TTC29: variants seen among roughly 807,000 people sequenced by gnomAD.
The protein encoded by TTC29 is tetratricopeptide repeat protein 29.
In TTC29, 49 loss-of-function variants were observed where a neutral mutation model predicts 58.1. The ratio of observed to expected loss-of-function variants is 0.84; its 90% confidence interval spans 0.67 to 1.07. TTC29 has a LOEUF of 1.07. Ranked by LOEUF, TTC29 falls within the 50% of genes least tolerant of loss-of-function variation. TTC29 has a pLI of 0.00. For missense variants in TTC29, 582 were observed against 555.6 expected (o/e 1.05, Z -0.48); for synonymous variants, 209 against 196.8 (o/e 1.06, Z -0.52).
rs1436407532 is a variant in TTC29, at chr4:146,740,048, C to T, written c.1331-32497G>A. Among the ~76,000 whole-genome samples the T allele has an allele frequency of 2.6e-5, 4 of 152,108 alleles. No homozygotes were observed. In the East Asian group the frequency reaches 7.7e-4, roughly 29 times the overall value. ...AATGAGTCAGAGGAGATGGTGGAGG[C>T]ACTGGATGGAAGGACCTGGGGGGTC... On this transcript the variant is annotated intron_variant, in intron 11 of 12. Coordinates refer to ENST00000325106, the MANE Select transcript of TTC29 (RefSeq NM_031956.4).
intron 4 of TTC29, among the ~76,000 whole-genome samples, chr4:146,912,362 A>T (rs1244046708): frequency 6.6e-6 from 1 of 152,198 alleles, no homozygotes; most frequent in Non-Finnish European, 1.5e-5. Flanking sequence ...CAAATATTGC[A>T]CAGAACATAC....
intron 4 of TTC29, among the ~76,000 whole-genome samples, chr4:146,921,623 T>C (rs545237637): frequency 1.9e-4 from 29 of 151,102 alleles, no homozygotes; most frequent in Non-Finnish European, 3.1e-4. Context: ...CTGAAAAATA[T>C]AGCAGGTGGG....
chr4:146,727,640 A>C (rs1427899765), intron 11 of TTC29, among the ~76,000 whole-genome samples: 2 of 152,228 alleles, frequency 1.3e-5, no homozygotes, highest in African/African-American at 2.4e-5. Flanking sequence ...ATATGCATTT[A>C]AGATTCCTCC....
intron 11 of TTC29, among the ~76,000 whole-genome samples, chr4:146,747,488 C>G (rs1426167647): frequency 1.3e-5 from 2 of 152,198 alleles, no homozygotes; most frequent in African/African-American, 4.8e-5. Context: ...CTGGTGCACC[C>G]TCCACATAGG....
chr4:146,744,710 A>G (rs1430092362), intron 11 of TTC29, among the ~76,000 whole-genome samples: 1 of 152,056 alleles, frequency 6.6e-6, no homozygotes, highest in South Asian at 2.1e-4. Flanking sequence ...CCAACTATCA[A>G]AGTATGTTGT....
intron 6 of TTC29, among the ~76,000 whole-genome samples, chr4:146,902,458 AT>A (rs1335536189): frequency 3.3e-5 from 5 of 152,238 alleles, no homozygotes; most frequent in Admixed American, 2.6e-4. Flanking sequence ...AGTTAAAAAA[AT>A]AATTTAACTA....
intron 6 of TTC29, 133 bp downstream of exon 6, chr4:146,903,411 T>C (rs1733288315): frequency 1.3e-6 from 1 of 767,826 alleles, no homozygotes; most frequent in African/African-American, 1.8e-5. Context: ...TGGTTTTGCT[T>C]TTTGATCTCA....
At chr4:146,714,864 A>AC (rs1338791039) in intron 11 of TTC29, among the ~76,000 whole-genome samples, 2 of 152,190 alleles carry the variant, frequency 1.3e-5, no homozygotes, top group African/African-American at 4.8e-5. Context: ...GGAAGGATGT[A>AC]ATTGTAAACT....
At chr4:146,826,463 T>C (rs1727804678) in intron 9 of TTC29, among the ~76,000 whole-genome samples, 1 of 152,228 alleles carries the variant, frequency 6.6e-6, no homozygotes, top group Non-Finnish European at 1.5e-5. Context: ...TTGCAGAGTT[T>C]CTGCTGAGAT....
At chr4:146,907,455 T>C (rs894178611) in intron 5 of TTC29, among the ~76,000 whole-genome samples, 1 of 152,182 alleles carries the variant, frequency 6.6e-6, no homozygotes, top group African/African-American at 2.4e-5. Context: ...AATATCACTG[T>C]AGAATTTTGG....
chr4:146,817,710 G>A (rs1337672768), intron 10 of TTC29, among the ~76,000 whole-genome samples: 1 of 152,152 alleles, frequency 6.6e-6, no homozygotes, highest in Non-Finnish European at 1.5e-5. Context: ...AACCAAAACA[G>A]CATGGTACTT....
At chr4:146,836,087 G>A (rs534945388) in intron 8 of TTC29, among the ~76,000 whole-genome samples, 2 of 152,060 alleles carry the variant, frequency 1.3e-5, no homozygotes, top group Non-Finnish European at 2.9e-5. Flanking sequence ...TCTTTAAGTT[G>A]AATTTCCTCA....
chr4:146,934,963 C>A (rs548444834), intron 4 of TTC29, among the ~76,000 whole-genome samples: 16 of 152,154 alleles, frequency 1.1e-4, no homozygotes, highest in African/African-American at 3.4e-4. Context: ...TAAGACAGCA[C>A]TTTTCTTGCT....
At chr4:146,828,085 A>ATAC (rs10650203) in intron 9 of TTC29, among the ~76,000 whole-genome samples, 9,540 of 152,126 alleles carry the variant, frequency 0.063, 393 homozygotes, top group Admixed American at 0.13. Flanking sequence ...GCAGCTGTGA[A>ATAC]TACTTTTTAT....
chr4:146,838,970 A>T (rs1561175826), intron 8 of TTC29, among the ~76,000 whole-genome samples: 1 of 151,976 alleles, frequency 6.6e-6, no homozygotes, highest in Admixed American at 6.6e-5. Context: ...ATTAGATGGA[A>T]CTGTCCCCTG....
In TTC29 at chr4:146,873,630, A is replaced by T. The variant is rs934169230; in HGVS notation, c.799+1086T>A. On this transcript the variant is annotated intron_variant, in intron 7 of 12. Coordinates refer to ENST00000325106, the MANE Select transcript of TTC29 (RefSeq NM_031956.4). ...CCATGTGACTAAAGTTTGCTGCTGA[A>T]ATTGATATAAGAGCTAACTCTGTGT... Among the ~76,000 whole-genome samples the T allele has an allele frequency of 2.6e-5, 4 of 152,176 alleles. No homozygotes were observed. In the South Asian group the frequency reaches 8.3e-4, roughly 31 times the overall value.
intron 11 of TTC29, among the ~76,000 whole-genome samples, chr4:146,754,311 T>C (rs1746264962): frequency 1.3e-5 from 2 of 151,880 alleles, no homozygotes. Flanking sequence ...GAACAGAGAT[T>C]TGGATATCTT....
chr4:146,762,196 TA>T (rs1230321840), intron 11 of TTC29, among the ~76,000 whole-genome samples: 2 of 151,962 alleles, frequency 1.3e-5, no homozygotes, highest in Admixed American at 1.3e-4. Context: ...TCACAAAAAC[TA>T]ATACAGTGGA....
chr4:146,709,647 T>C (rs1241736065), intron 11 of TTC29, among the ~76,000 whole-genome samples: 1 of 152,068 alleles, frequency 6.6e-6, no homozygotes, highest in Non-Finnish European at 1.5e-5. Context: ...AAACATTAAG[T>C]AGACCCTTAC....
Sources: gnomAD v4.1 joint callset for allele counts (sites outside exome capture counted in the v4.1 genomes callset) on GRCh38, gnomAD v4.1.1 for gene constraint, MANE v1.5 for transcripts, NCBI Gene and HGNC (gene_info 2026-07-23, HGNC 2026-07-21) for gene names.